The following ASXL3 variants were observed in gnomAD, a reference collection of about 807,000 sequenced individuals.
The protein encoded by ASXL3 is putative Polycomb group protein ASXL3.
ASXL3 carries 34 observed loss-of-function variants against 170.6 expected under a neutral mutation model. That is an observed-to-expected ratio of 0.20 (90% CI 0.15 to 0.27). The LOEUF (loss-of-function observed/expected upper bound fraction) is 0.27. Among genes scored for constraint, ASXL3 ranks in the 10% least tolerant of loss-of-function variants. The pLI is 1.00. For missense variants in ASXL3, 2,592 were observed against 2,695.3 expected, an observed-to-expected ratio of 0.96 and a Z score of 0.85; for synonymous variants, 1,002 against 989.1, an observed-to-expected ratio of 1.01 and a Z score of -0.24.
rs529496547 is a variant in ASXL3, at chr18:33,585,864, A to G, written c.54+7179A>G. Among the ~76,000 whole-genome samples, 139 of 152,312 alleles carry G rather than the reference A, an allele frequency of 9.1e-4. 1 individual carries two copies. The highest frequency in any genetic ancestry group is 2.1e-4 in the Non-Finnish European group (14 of 68,020). On this transcript the variant is annotated intron_variant, in intron 1 of 11. Coordinates refer to ENST00000269197, the MANE Select transcript of ASXL3 (RefSeq NM_030632.3). Reference sequence around the variant, plus strand: ...TACAATTATTATTGCTTTATTTTGCATAGATGTAGCATAAATTAGTCCAGA... The same window carrying G: ...TACAATTATTATTGCTTTATTTTGCGTAGATGTAGCATAAATTAGTCCAGA...
intron 8 of ASXL3, among the ~76,000 whole-genome samples, chr18:33,727,575 G>T (rs374583864): frequency 4.1e-4 from 63 of 152,228 alleles, no homozygotes; most frequent in African/African-American, 1.5e-3. Flanking sequence ...CAAAGATTAT[G>T]ATCAGAGTTT....
chr18:33,644,774 G>T, intron 2 of ASXL3, 120 bp from the exon 3 acceptor site: 2 of 540,198 alleles, frequency 3.7e-6, no homozygotes, highest in Non-Finnish European at 6.1e-6. Flanking sequence ...CATGCAAAGA[G>T]GTCTTTTTTT....
chr18:33,593,930 A>G (rs1000693069), intron 1 of ASXL3, among the ~76,000 whole-genome samples: 3 of 152,302 alleles, frequency 2.0e-5, no homozygotes, highest in South Asian at 4.1e-4. Context: ...CCATAAAATA[A>G]AAGATATTTT....
chr18:33,739,649 C>G lies in ASXL3; in HGVS notation c.2245C>G (p.Pro749Ala). The change falls in exon 11 of 12, where the codon CCT (proline) becomes GCT (alanine). Residue 749 changes from proline (P) to alanine (A), a missense_variant. Around this residue, in one of 4 missense-constraint regions of ASXL3, gnomAD observed 2,246 missense variants for 2,219.6 expected, o/e 1.01. Coordinates refer to ENST00000269197, the MANE Select transcript of ASXL3 (RefSeq NM_030632.3). ...CACTTTTGTATCCAGTTTGCCACTT[C>G]CTTCAGAAACATCTCCAATTTCCAA... is the stretch of plus-strand genomic sequence containing the variant. ...ETTFVSSLPL[P>A]SETSPISNSS... 6.2e-7 allele frequency: 1 copy of G among 1,613,900 alleles called. No individual in the cohort carries two copies. Among genetic ancestry groups the G allele is most frequent in the Non-Finnish European group, 8.5e-7 (1 of 1,179,838 alleles).
chr18:33,701,360 A>G (rs1419110313), intron 8 of ASXL3, among the ~76,000 whole-genome samples: 1 of 152,050 alleles, frequency 6.6e-6, no homozygotes, highest in Non-Finnish European at 1.5e-5. Flanking sequence ...AATTGCTTTG[A>G]ATCTATAAAT....
chr18:33,670,607 TAATTC>T, intron 5 of ASXL3, 61 bp from the exon 6 acceptor site: 1 of 1,214,648 alleles, frequency 8.2e-7, no homozygotes, highest in African/African-American at 1.5e-5. Context: ...ATGAGTCACT[TAATTC>T]AATTATGAGA....
Position 33,670,964 on chromosome 18 carries a change from C to T in ASXL3, c.595+174C>T, listed in dbSNP as rs28557140. ...TCAAAAATATAGACTATTTCCAGTT[C>T]AGAAAAGAAAAAGGTACCAGCTTGC... On this transcript the variant is annotated intron_variant, in intron 6 of 11. Coordinates refer to ENST00000269197, the MANE Select transcript of ASXL3 (RefSeq NM_030632.3). 0.073 allele frequency among the ~76,000 whole-genome samples: 11,088 copies of T among 152,078 alleles called. 1,208 individuals carry two copies. The highest frequency in any genetic ancestry group is 0.24 in the African/African-American group (9,865 of 41,454).
At chr18:33,628,907 A>ATTTGGAT (rs2065638319) in intron 2 of ASXL3, among the ~76,000 whole-genome samples, 2 of 152,258 alleles carry the variant, frequency 1.3e-5, no homozygotes, top group Non-Finnish European at 2.9e-5. Context: ...AATTCATACT[A>ATTTGGAT]GCAGTTTTCA....
intron 2 of ASXL3, among the ~76,000 whole-genome samples, chr18:33,610,618 C>T (rs1377013691): frequency 6.6e-6 from 1 of 151,980 alleles, no homozygotes; most frequent in Non-Finnish European, 1.5e-5. Context: ...TCTTCCCTGC[C>T]TGTGTGTGAG....
At chr18:33,691,622 G>A (rs544917510) in intron 8 of ASXL3, among the ~76,000 whole-genome samples, 1 of 151,976 alleles carries the variant, frequency 6.6e-6, no homozygotes, top group Non-Finnish European at 1.5e-5. Context: ...TTCCTATCCT[G>A]AAAGAGAGAA....
At chr18:33,616,138 G>A (rs570575805) in intron 2 of ASXL3, among the ~76,000 whole-genome samples, 1 of 152,086 alleles carries the variant, frequency 6.6e-6, no homozygotes, top group African/African-American at 2.4e-5. Context: ...AGGATGATAA[G>A]ATTAGATATT....
At chr18:33,659,302 C>T (rs749447529) in intron 4 of ASXL3, among the ~76,000 whole-genome samples, 9 of 152,068 alleles carry the variant, frequency 5.9e-5, no homozygotes, top group East Asian at 3.9e-4. Context: ...TACATTTAGA[C>T]GCCCAGTATG....
At chr18:33,651,806 T>C (rs2066003242) in intron 4 of ASXL3, among the ~76,000 whole-genome samples, 4 of 152,132 alleles carry the variant, frequency 2.6e-5, no homozygotes, top group African/African-American at 9.7e-5. Context: ...TATAATACTT[T>C]AGTCCTCTTC....
At chr18:33,583,310 A>G (rs1483816734) in intron 1 of ASXL3, among the ~76,000 whole-genome samples, 1 of 152,188 alleles carries the variant, frequency 6.6e-6, no homozygotes, top group Non-Finnish European at 1.5e-5. Flanking sequence ...GGTACACAAG[A>G]GCATAACTGA....
chr18:33,684,821 GA>G (rs2066568506), intron 8 of ASXL3, among the ~76,000 whole-genome samples: 1 of 152,122 alleles, frequency 6.6e-6, no homozygotes, highest in Non-Finnish European at 1.5e-5. Context: ...ATGCAGAAGG[GA>G]AATATCAGAG....
chr18:33,583,966 G>A (rs575293278), intron 1 of ASXL3, among the ~76,000 whole-genome samples: 2 of 152,210 alleles, frequency 1.3e-5, no homozygotes, highest in Non-Finnish European at 2.9e-5. Context: ...GTTTGGTAGA[G>A]GAACAAGAAA....
chr18:33,739,958 A>G lies in ASXL3; in HGVS notation c.2554A>G (p.Ile852Val). ...CACTGAGAAGCCCTACCCTGCTTCA[A>G]TTCCAGAACTTGCTTCTACTGAAAT... ...VDTEKPYPAS[I>V]PELASTEMIK... is the part of the protein sequence containing the mutation. Residue 852 changes from isoleucine (I) to valine (V), a missense_variant, in exon 11 of 12, where the codon ATT becomes GTT. This residue lies in a region of ASXL3 where 2,246 missense variants were observed against 2,219.6 expected (regional missense o/e 1.01). Coordinates refer to ENST00000269197, the MANE Select transcript of ASXL3 (RefSeq NM_030632.3). The G allele has an allele frequency of 4.3e-6, 7 of 1,613,986 alleles. No individual in the cohort carries two copies. Among genetic ancestry groups the G allele is most frequent in the Non-Finnish European group, 5.9e-6 (7 of 1,179,878 alleles).
At chr18:33,672,168 GT>G (rs2066353419) in intron 7 of ASXL3, among the ~76,000 whole-genome samples, 1 of 152,260 alleles carries the variant, frequency 6.6e-6, no homozygotes, top group South Asian at 2.1e-4. Context: ...AATGTGCGGT[GT>G]TTTGTCTGTG....
At chr18:33,611,593 G>A (rs1021841030) in intron 2 of ASXL3, among the ~76,000 whole-genome samples, 7 of 151,970 alleles carry the variant, frequency 4.6e-5, no homozygotes, top group African/African-American at 1.7e-4. Context: ...TTCTATAGAC[G>A]GGATTAAAAT....
Sources: gnomAD v4.1 joint callset for allele counts (sites outside exome capture counted in the v4.1 genomes callset) on GRCh38, gnomAD v4.1.1 for gene constraint, gnomAD v4.1.1 regional missense constraint, MANE v1.5 for transcripts, NCBI Gene and HGNC (gene_info 2026-07-23, HGNC 2026-07-21) for gene names.